Variants in NEMP2 observed in about 807,000 individuals in gnomAD.
NEMP2 encodes nuclear envelope integral membrane protein 2.
In NEMP2, 53 loss-of-function variants were observed where a neutral mutation model predicts 54.2. The observed-to-expected ratio is 0.98, with a 90% confidence interval of 0.78 to 1.23. NEMP2 has a LOEUF of 1.23. NEMP2 is among the 50% of genes most tolerant of loss of function. NEMP2 has a pLI of 0.00. For missense variants in NEMP2, 455 were observed against 511.3 expected, an observed-to-expected ratio of 0.89 and a Z score of 1.06; for synonymous variants, 197 against 190.3, an observed-to-expected ratio of 1.04 and a Z score of -0.29.
In NEMP2 at chr2:190,517,533, C is replaced by G. The variant is rs1559159870; in HGVS notation, c.599G>C (p.Arg200Thr). 3 of 1,549,344 alleles carry G rather than the reference C, an allele frequency of 1.9e-6. No individual in the cohort carries two copies. Among genetic ancestry groups the G allele is most frequent in the Admixed American group, 2.0e-5 (1 of 50,500 alleles). The change falls in exon 5 of 9, where the codon AGA (arginine) becomes ACA (threonine). Residue 200 changes from arginine to threonine, a missense_variant. Physicochemically the swap from Arg to Thr is moderately conservative, Grantham distance 71. Coordinates refer to ENST00000409150, the MANE Select transcript of NEMP2 (RefSeq NM_001142645.2). ...TAGTATGCCTACCTTCGGAATGAAT[C>G]TTTTCACCAACAGCAAGACAAAGAC... ...TLVFVLLLVK[R>T]FIPKYSTFWA...
the NEMP2 span, among the ~76,000 whole-genome samples, chr2:190,586,258 GCA>G: frequency 1.3e-5 from 2 of 152,088 alleles, no homozygotes; most frequent in Admixed American, 6.6e-5. This position sits in a 1 kb window ranked among gnomAD's most constrained non-coding sequence, Gnocchi z 4.5. Flanking sequence ...CACTCACCCA[GCA>G]CAGTGTCTGA....
At chr2:190,615,124 C>G in the NEMP2 span, among the ~76,000 whole-genome samples, 3 of 152,202 alleles carry the variant, frequency 2.0e-5, no homozygotes, top group Admixed American at 6.5e-5. The surrounding 1 kb of genome is among the most constrained non-coding windows in gnomAD (Gnocchi z 4.7). Flanking sequence ...CAATTTAACT[C>G]AATTCTGACA....
the NEMP2 span, among the ~76,000 whole-genome samples, chr2:190,568,795 C>A: frequency 1.3e-5 from 2 of 152,096 alleles, no homozygotes; most frequent in East Asian, 3.8e-4. This position sits in a 1 kb window ranked among gnomAD's most constrained non-coding sequence, Gnocchi z 4.7. Context: ...GCACTCCAAC[C>A]TGAGCAACAA....
chr2:190,561,943 T>C, the NEMP2 span, among the ~76,000 whole-genome samples: 1 of 152,184 alleles, frequency 6.6e-6, no homozygotes. This position sits in a 1 kb window ranked among gnomAD's most constrained non-coding sequence, Gnocchi z 5.4. Context: ...TTAATTTTTA[T>C]TTTACTATGT....
At chr2:190,452,141 A>G in the NEMP2 span, among the ~76,000 whole-genome samples, 2 of 152,114 alleles carry the variant, frequency 1.3e-5, no homozygotes, top group Non-Finnish European at 2.9e-5. Flanking sequence ...AAAAGTAAAA[A>G]ACAAAAATAA....
At chr2:190,575,388 A>T in the NEMP2 span, among the ~76,000 whole-genome samples, 1 of 150,834 alleles carries the variant, frequency 6.6e-6, no homozygotes, top group East Asian at 1.9e-4. Flanking sequence ...ACTAAAGGTT[A>T]AAAAAAAAGT....
chr2:190,514,590 C>T lies in NEMP2; in HGVS notation c.816G>A (p.Met272Ile), dbSNP rs570076014. ...LADDRSRSLL[M>I]WMLRLLSLVL... ...CCAGGGAGAGGAGTCGCAGCATCCA[C>T]ATCAGAAGACTTCTGCTCCTGTCGT... Residue 272 changes from methionine to isoleucine, a missense_variant, in exon 7 of 9, where the codon ATG (methionine) becomes ATA (isoleucine). This residue lies in a region of NEMP2 where 294 missense variants were observed against 333.6 expected (regional missense o/e 0.88). Transcript: ENST00000409150. This position sits in a 1 kb window ranked among gnomAD's most constrained non-coding sequence, Gnocchi z 5.7. 1 of 1,551,714 alleles carries T rather than the reference C, an allele frequency of 6.4e-7. No homozygotes were observed. Among genetic ancestry groups the T allele is most frequent in the South Asian group, 1.2e-5 (1 of 84,056 alleles).
the NEMP2 span, among the ~76,000 whole-genome samples, chr2:190,544,265 G>A: frequency 0.099 from 15,004 of 152,116 alleles, 1,170 homozygotes; most frequent in African/African-American, 0.2. Flanking sequence ...TTTTGAAATT[G>A]ACTTGCCATA....
the NEMP2 span, chr2:190,437,122 T>C: frequency 6.2e-7 from 1 of 1,614,218 alleles, no homozygotes. The surrounding 1 kb of genome is among the most constrained non-coding windows in gnomAD (Gnocchi z 5.9). Context: ...GCCCCCCGAG[T>C]ACAGGAATTA....
chr2:190,542,816 C>A, the NEMP2 span, among the ~76,000 whole-genome samples: 26 of 152,168 alleles, frequency 1.7e-4, no homozygotes, highest in African/African-American at 6.3e-4. This position sits in a 1 kb window ranked among gnomAD's most constrained non-coding sequence, Gnocchi z 4.6. Flanking sequence ...CACTAAGTTT[C>A]CCTAAATCTG....
At chr2:190,563,885 T>G in the NEMP2 span, among the ~76,000 whole-genome samples, 4 of 152,208 alleles carry the variant, frequency 2.6e-5, no homozygotes, top group African/African-American at 9.7e-5. The surrounding 1 kb of genome is among the most constrained non-coding windows in gnomAD (Gnocchi z 4.3). Context: ...GCCTCCCTAC[T>G]CTGTGGGGCT....
downstream of NEMP2, chr2:190,500,895 G>C (rs1689992463): frequency 6.6e-6 from 1 of 152,160 alleles, no homozygotes; most frequent in African/African-American, 2.4e-5. The surrounding 1 kb of genome is among the most constrained non-coding windows in gnomAD (Gnocchi z 5.3). Context: ...ACTACTGCAA[G>C]CTAAGCCGAG....
chr2:190,545,029 G>A, the NEMP2 span, among the ~76,000 whole-genome samples: 1 of 151,964 alleles, frequency 6.6e-6, no homozygotes, highest in Non-Finnish European at 1.5e-5. Flanking sequence ...CTTGAGCCAG[G>A]AGTTCAAGCC....
the NEMP2 span, among the ~76,000 whole-genome samples, chr2:190,476,737 A>G: frequency 3.9e-5 from 6 of 152,164 alleles, no homozygotes; most frequent in Non-Finnish European, 7.3e-5. Flanking sequence ...TCATGCTGCT[A>G]TAAAGACACA....
At chr2:190,469,326 T>A in the NEMP2 span, among the ~76,000 whole-genome samples, 1,844 of 152,306 alleles carry the variant, frequency 0.012, 37 homozygotes, top group African/African-American at 0.042. This position sits in a 1 kb window ranked among gnomAD's most constrained non-coding sequence, Gnocchi z 5.3. Flanking sequence ...TTCTCATTTT[T>A]ATCCTTCCTT....
chr2:190,504,954 GTCTTT>G lies in NEMP2; in HGVS notation c.*4230_*4234del. The G allele has an allele frequency of 6.6e-6, 1 of 152,204 alleles. No homozygotes were observed. The highest frequency in any genetic ancestry group is 2.1e-4 in the South Asian group (1 of 4,818). The allele number at this position is 152,204 out of a possible 1,614,324, so 9.4% of individuals were successfully genotyped here. On this transcript the variant is annotated 3_prime_UTR_variant, in exon 9 of 9. Transcript: ENST00000409150. The surrounding 1 kb of genome is among the most constrained non-coding windows in gnomAD (Gnocchi z 5.6). ...TGATCATCGTGCTTATATTCTGTAT[GTCTTT>G]TCTTTCAAAGATTATTTCATTTTTC...
At chr2:190,613,117 G>T in the NEMP2 span, among the ~76,000 whole-genome samples, 1 of 152,124 alleles carries the variant, frequency 6.6e-6, no homozygotes, top group African/African-American at 2.4e-5. Context: ...GAGTGAAAAT[G>T]ATCTGACCTA....
downstream of NEMP2, chr2:190,499,959 A>G (rs192198619): frequency 6.2e-7 from 1 of 1,607,024 alleles, no homozygotes; most frequent in Admixed American, 1.7e-5. This position sits in a 1 kb window ranked among gnomAD's most constrained non-coding sequence, Gnocchi z 6.0. Context: ...ATATATAAAA[A>G]GTTGGATTTA....
the NEMP2 span, chr2:190,625,444 G>C: frequency 1.3e-5 from 2 of 152,122 alleles, no homozygotes; most frequent in Non-Finnish European, 2.9e-5. Flanking sequence ...ATAAGCATAG[G>C]GCTTCTTTTT....
Sources: gnomAD v4.1 joint callset for allele counts (sites outside exome capture counted in the v4.1 genomes callset) on GRCh38, gnomAD v4.1.1 for gene constraint, gnomAD v4.1.1 regional missense constraint, Gnocchi (gnomAD v3.1) non-coding constraint, MANE v1.5 for transcripts, NCBI Gene and HGNC (gene_info 2026-07-23, HGNC 2026-07-21) for gene names.